The following CHCHD3 variants were observed in gnomAD, a reference collection of about 807,000 sequenced individuals.
CHCHD3 encodes MICOS complex subunit MIC19.
In CHCHD3, 20 loss-of-function variants were observed where a neutral mutation model predicts 38.2. The observed-to-expected ratio is 0.52, with a 90% CI of 0.37 to 0.76. The LOEUF (loss-of-function observed/expected upper bound fraction) is 0.76, where lower values mean the gene tolerates loss of function less well. Ranked by LOEUF, CHCHD3 falls within the 30% of genes least tolerant of loss-of-function variation. The pLI is 0.00. For synonymous variants in CHCHD3, 82 were observed against 100.0 expected (o/e 0.82, Z 1.07); for missense variants, 245 against 279.2 (o/e 0.88, Z 0.87).
chr7:133,017,652 T>A (rs1282534455), intron 3 of CHCHD3, among the ~76,000 whole-genome samples: 1 of 152,168 alleles, frequency 6.6e-6, no homozygotes, highest in Non-Finnish European at 1.5e-5. Context: ...TTATAACCAG[T>A]AAAAAAGTTA....
chr7:132,910,075 G>T (rs1293437359), intron 4 of CHCHD3, among the ~76,000 whole-genome samples: 1 of 152,154 alleles, frequency 6.6e-6, no homozygotes, highest in Non-Finnish European at 1.5e-5. Context: ...CCAAAATACA[G>T]TAGTCACAGG....
chr7:133,040,245 T>C (rs1813795232), intron 2 of CHCHD3, among the ~76,000 whole-genome samples: 1 of 152,194 alleles, frequency 6.6e-6, no homozygotes, highest in African/African-American at 2.4e-5. Flanking sequence ...CAGGAAAGTC[T>C]CTTTTTTCAT....
At chr7:132,993,507 T>C (rs572606052) in intron 3 of CHCHD3, among the ~76,000 whole-genome samples, 9 of 152,318 alleles carry the variant, frequency 5.9e-5, no homozygotes, top group Non-Finnish European at 8.8e-5. Context: ...TTCTCATTTG[T>C]CTCTTTCTCT....
chr7:132,971,652 C>T (rs1342260944), intron 4 of CHCHD3, among the ~76,000 whole-genome samples: 4 of 149,980 alleles, frequency 2.7e-5, no homozygotes, highest in Non-Finnish European at 4.4e-5. Context: ...GGGTGGGAAT[C>T]GTTTTATTTC....
chr7:132,877,757 T>C (rs1451155700), intron 5 of CHCHD3, among the ~76,000 whole-genome samples: 3 of 138,906 alleles, frequency 2.2e-5, no homozygotes, highest in African/African-American at 8.0e-5. Context: ...TCGGTAACTA[T>C]AGAAACCACA....
chr7:132,823,637 A>C (rs140122988), intron 6 of CHCHD3, among the ~76,000 whole-genome samples: 5 of 152,208 alleles, frequency 3.3e-5, no homozygotes, highest in African/African-American at 9.6e-5. Flanking sequence ...TCATTTAATA[A>C]TCAAGTGGAC....
intron 6 of CHCHD3, among the ~76,000 whole-genome samples, chr7:132,803,370 T>G (rs1245782367): frequency 6.6e-6 from 1 of 151,486 alleles, no homozygotes; most frequent in Admixed American, 6.6e-5. Context: ...ATTACTATTA[T>G]TAAATAAAGG....
chr7:133,043,757 T>C (rs1009863077), intron 2 of CHCHD3, among the ~76,000 whole-genome samples: 6 of 152,222 alleles, frequency 3.9e-5, no homozygotes, highest in African/African-American at 1.2e-4. Flanking sequence ...TTGTGTTTTA[T>C]TTATGACAGG....
chr7:132,983,050 C>T (rs910745573), intron 3 of CHCHD3, among the ~76,000 whole-genome samples: 5 of 152,018 alleles, frequency 3.3e-5, no homozygotes, highest in African/African-American at 4.8e-5. Context: ...TGGCCAGGCG[C>T]GGCAGCTCAT....
intron 4 of CHCHD3, among the ~76,000 whole-genome samples, chr7:132,939,157 T>A (rs1810702223): frequency 6.6e-6 from 1 of 152,170 alleles, no homozygotes; most frequent in South Asian, 2.1e-4. Context: ...GAACATTTCC[T>A]ATCACACAGT....
chr7:133,026,390 T>G (rs1323493031), intron 2 of CHCHD3, among the ~76,000 whole-genome samples: 2 of 152,110 alleles, frequency 1.3e-5, no homozygotes, highest in African/African-American at 2.4e-5. Flanking sequence ...TTGGTGAAGA[T>G]GTAAAGAAAT....
At chr7:132,805,310 G>A (rs62467030) in intron 6 of CHCHD3, among the ~76,000 whole-genome samples, 23,191 of 151,558 alleles carry the variant, frequency 0.15, 1,865 homozygotes, top group Middle Eastern at 0.19. Flanking sequence ...TCTATTGTGC[G>A]TGGACAGTGT....
rs775637939 is a variant in CHCHD3, at chr7:132,838,396, T to C, written c.524+3A>G. The C allele has an allele frequency of 2.5e-6, 4 of 1,595,906 alleles. No homozygotes were observed. Among genetic ancestry groups the C allele is most frequent in the African/African-American group, 2.7e-5 (2 of 74,658 alleles). ...AATAATTATAATACTATTAAAAACT[T>C]ACTTGAACTTTGCTTCCACCTCTTC... On this transcript the variant is annotated splice_donor_region_variant and intron_variant, in intron 6 of 7. Transcript: ENST00000262570.
rs571489361 is a variant in CHCHD3, at chr7:133,033,601, G to A, written c.170-8974C>T. Among the ~76,000 whole-genome samples, 4 of 152,244 alleles carry A rather than the reference G, an allele frequency of 2.6e-5. No individual in the cohort carries two copies. The South Asian group carries it at 8.3e-4, about 32-fold the overall frequency. On this transcript the variant is annotated intron_variant, in intron 2 of 7. Transcript: ENST00000262570. ...AATCTAGCTATTTTATGGTTTGTAT[G>A]ACCACAGATAGATAGTCACAAATAA...
chr7:132,859,992 C>T (rs983545370), intron 5 of CHCHD3, among the ~76,000 whole-genome samples: 1 of 152,230 alleles, frequency 6.6e-6, no homozygotes, highest in Admixed American at 6.5e-5. Context: ...AAACACAGGG[C>T]TCGGCTCGGT....
intron 3 of CHCHD3, among the ~76,000 whole-genome samples, chr7:133,012,455 G>T (rs1812900984): frequency 6.6e-6 from 1 of 152,016 alleles, no homozygotes; most frequent in Admixed American, 6.6e-5. Flanking sequence ...TAGTTTACTG[G>T]TAAAACCTAT....
chr7:132,891,298 G>A (rs1809353811), intron 4 of CHCHD3, among the ~76,000 whole-genome samples: 1 of 152,198 alleles, frequency 6.6e-6, no homozygotes, highest in South Asian at 2.1e-4. Context: ...ACTCACCTAG[G>A]TGAACTTAAA....
chr7:132,915,978 A>C lies in CHCHD3; in HGVS notation c.370-30233T>G, dbSNP rs1055237317. On this transcript the variant is annotated intron_variant, in intron 4 of 7. Transcript: ENST00000262570. ...AAATTTTTTTTTTTTTTGGTAAAGC[A>C]AAATGAGCATTGTTCTGGGATCACA... Among the ~76,000 whole-genome samples the C allele has an allele frequency of 2.0e-5, 3 of 151,578 alleles. No individual in the cohort carries two copies. The East Asian group carries it at 5.8e-4, about 29-fold the overall frequency.
intron 4 of CHCHD3, among the ~76,000 whole-genome samples, chr7:132,889,747 G>A (rs757425161): frequency 5.3e-5 from 8 of 152,240 alleles, no homozygotes; most frequent in Non-Finnish European, 1.2e-4. Flanking sequence ...GATGCTAGGA[G>A]GAAAAGTCAC....
Sources: allele counts gnomAD v4.1 joint callset (sites outside exome capture counted in the v4.1 genomes callset), GRCh38; gene constraint gnomAD v4.1.1; transcripts MANE v1.5; gene names NCBI Gene and HGNC (gene_info 2026-07-23, HGNC 2026-07-21).